Variants in CHL1 observed in about 807,000 individuals in gnomAD.
CHL1 encodes the protein cell adhesion molecule L1 like.
Under a neutral mutation model 141.9 loss-of-function variants are expected in CHL1, and 96 were observed. The observed-to-expected ratio is 0.68, with a 90% confidence interval of 0.57 to 0.80. CHL1 has a LOEUF of 0.80. Among genes scored for constraint, CHL1 ranks in the 30% least tolerant of loss-of-function variants. The probability of loss-of-function intolerance (pLI) is 0.00; values close to 1 mark genes in which losing one functional copy is unlikely to be tolerated. For missense variants in CHL1, 1,820 were observed against 1,457.2 expected, an observed-to-expected ratio of 1.25 and a Z score of -4.05; for synonymous variants, 613 against 502.2, an observed-to-expected ratio of 1.22 and a Z score of -2.95.
rs955042369 is a variant in CHL1 at position 398,270 on chromosome 3, G to C, written c.3138G>C (p.Lys1046Asn). Residue 1046 changes from lysine to asparagine, a missense_variant, in exon 25 of 28, where the codon AAG (lysine) becomes AAC (asparagine). By Grantham distance (94) the Lys-to-Asn change is moderately conservative. Transcript: ENST00000256509. ...TATCAGGAGTAAATCTTACTCAAAA[G>C]ACTCACCCAATAGAGGTATTTGAGC... Reference protein sequence around the residue: ...GKISGVNLTQKTHPIEVFEPG... With the variant: ...GKISGVNLTQNTHPIEVFEPG... 6.2e-7 allele frequency: 1 copy of C among 1,605,972 alleles called. No individual in the cohort carries two copies. Among genetic ancestry groups the C allele is most frequent in the African/African-American group, 1.3e-5 (1 of 74,696 alleles).
At chr3:404,952 C>T (rs1263857871) in intron 27 of CHL1, among the ~76,000 whole-genome samples, 3 of 152,148 alleles carry the variant, frequency 2.0e-5, no homozygotes, top group African/African-American at 4.8e-5. Flanking sequence ...GGTGAACGCT[C>T]ACTTTCTGGG....
intron 27 of CHL1, 56 bp downstream of exon 27, chr3:401,754 A>C (rs1709156758): frequency 2.0e-6 from 2 of 1,015,658 alleles, no homozygotes; most frequent in East Asian, 5.1e-5. Flanking sequence ...TTGAAAGCTT[A>C]AGTGAACAAA....
At chr3:390,621 A>G in intron 20 of CHL1, 80 bp from the exon 21 acceptor site, 1 of 804,516 alleles carries the variant, frequency 1.2e-6, no homozygotes, top group South Asian at 1.5e-5. Context: ...CAGAAGAAAC[A>G]TTATGAAAAT....
chr3:375,703 A>C (rs1207652664), intron 15 of CHL1, among the ~76,000 whole-genome samples: 2 of 152,106 alleles, frequency 1.3e-5, no homozygotes, highest in Non-Finnish European at 1.5e-5. Context: ...GGCTGTATGC[A>C]CTAATCACTT....
At chr3:241,851 A>G (rs1438072252) in intron 1 of CHL1, among the ~76,000 whole-genome samples, 1 of 144,124 alleles carries the variant, frequency 6.9e-6, no homozygotes, top group African/African-American at 2.5e-5. Flanking sequence ...AAAAAAAACA[A>G]CTTTTCACTA....
chr3:197,613 G>A (rs1428779353), intron 1 of CHL1: 1 of 358,282 alleles, frequency 2.8e-6, no homozygotes, highest in African/African-American at 2.2e-5. Flanking sequence ...CTCAGGAGAG[G>A]ATTCTAGATC....
intron 5 of CHL1, among the ~76,000 whole-genome samples, chr3:339,673 A>G (rs1451845671): frequency 1.3e-5 from 2 of 152,214 alleles, no homozygotes; most frequent in Non-Finnish European, 1.5e-5. Context: ...TGGTGCATCG[A>G]TAAGAGAAAT....
chr3:231,751 A>G (rs1701884942), intron 1 of CHL1, among the ~76,000 whole-genome samples: 1 of 151,526 alleles, frequency 6.6e-6, no homozygotes, highest in South Asian at 2.1e-4. Flanking sequence ...TAATTTTTGT[A>G]TTTTTAGTAG....
At chr3:379,829 C>A (rs1282985331) in intron 16 of CHL1, among the ~76,000 whole-genome samples, 1 of 151,846 alleles carries the variant, frequency 6.6e-6, no homozygotes. Flanking sequence ...AGACAAACTT[C>A]TGATTTACCA....
At chr3:347,836 C>T (rs1222884341) in intron 9 of CHL1, among the ~76,000 whole-genome samples, 1 of 152,192 alleles carries the variant, frequency 6.6e-6, no homozygotes, top group East Asian at 1.9e-4. Context: ...CACAAGCGTG[C>T]CATGTGCTCT....
At chr3:230,519 G>A (rs1701768293) in intron 1 of CHL1, among the ~76,000 whole-genome samples, 1 of 150,244 alleles carries the variant, frequency 6.7e-6, no homozygotes, top group South Asian at 2.1e-4. Context: ...TTTTTTGACA[G>A]AGTGATTGGG....
At chr3:265,338 G>T (rs1378205056) in intron 2 of CHL1, among the ~76,000 whole-genome samples, 1 of 152,206 alleles carries the variant, frequency 6.6e-6, no homozygotes, top group Non-Finnish European at 1.5e-5. Flanking sequence ...TAAGTGCTTA[G>T]AGTGCACAGA....
At chr3:343,542 C>G (rs563235658) in intron 8 of CHL1, among the ~76,000 whole-genome samples, 2 of 152,264 alleles carry the variant, frequency 1.3e-5, no homozygotes, top group Admixed American at 1.3e-4. Context: ...TTATTTAATT[C>G]TTTCCCCCAT....
intron 10 of CHL1, among the ~76,000 whole-genome samples, chr3:353,566 C>T (rs1354146044): frequency 6.6e-6 from 1 of 152,148 alleles, no homozygotes; most frequent in East Asian, 1.9e-4. Flanking sequence ...GCACTTATCT[C>T]ACTTGGACTT....
Position 379,605 on chromosome 3 carries a change from G to A in CHL1, c.1876+1663G>A, listed in dbSNP as rs972749245. On this transcript the variant is annotated intron_variant, in intron 16 of 27. Transcript: ENST00000256509. ...AGGACCGGGTCTCCTACTGCTTGGT[G>A]CTCCCCTTCTCAATTTCCTTACAAA... Among the ~76,000 whole-genome samples the A allele has an allele frequency of 5.3e-5, 8 of 152,030 alleles. No individual in the cohort carries two copies. The East Asian group carries it at 1.5e-3, about 29-fold the overall frequency.
chr3:258,006 T>C (rs946888572), intron 2 of CHL1, among the ~76,000 whole-genome samples: 2 of 152,082 alleles, frequency 1.3e-5, no homozygotes, highest in African/African-American at 4.8e-5. Flanking sequence ...GTTCGGTGGA[T>C]TGGATGTGTT....
At chr3:282,520 C>T (rs1696762274) in intron 2 of CHL1, among the ~76,000 whole-genome samples, 2 of 152,110 alleles carry the variant, frequency 1.3e-5, no homozygotes, top group Admixed American at 1.3e-4. Context: ...TTTGGCAGTG[C>T]AGGACTGCTA....
At chr3:349,717 C>A (rs1200940432) in intron 10 of CHL1, among the ~76,000 whole-genome samples, 174 bp downstream of exon 10, 1 of 152,104 alleles carries the variant, frequency 6.6e-6, no homozygotes, top group Non-Finnish European at 1.5e-5. Context: ...GTCATTTACG[C>A]CCCAAAATGA....
rs1255278779 is a variant in CHL1, at chr3:366,718, C to T, written c.1751+603C>T. Among the ~76,000 whole-genome samples, 7 of 151,692 alleles carry T rather than the reference C, an allele frequency of 4.6e-5. No homozygotes were observed. In the South Asian group the frequency reaches 1.0e-3, roughly 23 times the overall value. On this transcript the variant is annotated intron_variant, in intron 15 of 27. Coordinates refer to ENST00000256509, the MANE Select transcript of CHL1 (RefSeq NM_006614.4). ...AAAAAAAAAACTGGAGGAGCTAGGCCTAGAAGAGGCTGCATACTAGTCTTC... is the reference window on the plus strand; with the variant it reads ...AAAAAAAAAACTGGAGGAGCTAGGCTTAGAAGAGGCTGCATACTAGTCTTC...
Sources: allele counts gnomAD v4.1 joint callset (sites outside exome capture counted in the v4.1 genomes callset), GRCh38; gene constraint gnomAD v4.1.1; transcripts MANE v1.5; gene names NCBI Gene and HGNC (gene_info 2026-07-23, HGNC 2026-07-21).